Variants in APOH observed in about 807,000 individuals in gnomAD.
The protein encoded by APOH is beta-2-glycoprotein 1.
In APOH, 48 loss-of-function variants were observed where a neutral mutation model predicts 39.8. That is an observed-to-expected ratio of 1.21 (90% CI 0.96 to 1.54). The LOEUF is 1.54. Among genes scored for constraint, APOH ranks in the 40% most tolerant of loss-of-function variants. APOH has a pLI of 0.00. For missense variants in APOH, 415 were observed against 421.2 expected, an observed-to-expected ratio of 0.99 and a Z score of 0.13; for synonymous variants, 153 against 151.1, an observed-to-expected ratio of 1.01 and a Z score of -0.09.
chr17:66,215,461 T>C (rs2073359378), intron 6 of APOH, among the ~76,000 whole-genome samples: 1 of 152,178 alleles, frequency 6.6e-6, no homozygotes, highest in Admixed American at 6.5e-5. Flanking sequence ...ACCGGTGCCT[T>C]ACCCTCGCAA....
chr17:66,213,739 A>T (rs923198656), intron 7 of APOH, among the ~76,000 whole-genome samples: 1 of 152,072 alleles, frequency 6.6e-6, no homozygotes, highest in Non-Finnish European at 1.5e-5. Flanking sequence ...AGGGTTCAAA[A>T]CCAGCCTTGG....
At chr17:66,216,724 C>T in intron 6 of APOH, 64 bp downstream of exon 6, 5 of 1,438,658 alleles carry the variant, frequency 3.5e-6, no homozygotes, top group Non-Finnish European at 4.6e-6. Flanking sequence ...AAGAAAATAG[C>T]AAGTAAAGGT....
chr17:66,225,946 T>C, intron 3 of APOH, 82 bp downstream of exon 3: 1 of 924,414 alleles, frequency 1.1e-6, no homozygotes, highest in East Asian at 2.6e-5. Context: ...GAAAACAAAA[T>C]ATAGACCAGT....
intron 3 of APOH, 152 bp downstream of exon 3, chr17:66,225,876 C>CAAAA: frequency 5.8e-5 from 25 of 428,150 alleles, no homozygotes; most frequent in Middle Eastern, 5.2e-4. Context: ...GACTCCGTCT[C>CAAAA]AAAAAAAAAA....
intron 5 of APOH, among the ~76,000 whole-genome samples, chr17:66,220,117 C>T (rs1274783069): frequency 6.6e-6 from 1 of 152,184 alleles, no homozygotes; most frequent in African/African-American, 2.4e-5. Flanking sequence ...GCAACCCAGT[C>T]TTAACCTTCA....
At chr17:66,218,273 T>C (rs1477130684) in intron 5 of APOH, among the ~76,000 whole-genome samples, 1 of 152,112 alleles carries the variant, frequency 6.6e-6, no homozygotes, top group Non-Finnish European at 1.5e-5. Flanking sequence ...TGGCCAGTGA[T>C]GGAACAGCTG....
chr17:66,227,111 T>C (rs1335645217), intron 2 of APOH, among the ~76,000 whole-genome samples: 2 of 152,120 alleles, frequency 1.3e-5, no homozygotes, highest in African/African-American at 4.8e-5. Flanking sequence ...CTTGAACTCC[T>C]GACCTCAGGC....
chr17:66,218,434 G>A (rs1028019944), intron 5 of APOH, among the ~76,000 whole-genome samples: 2 of 151,872 alleles, frequency 1.3e-5, no homozygotes, highest in Non-Finnish European at 2.9e-5. Flanking sequence ...TCAACCTCCT[G>A]AGCAGCTGAG....
At chr17:66,226,257 T>C (rs2073438914) in intron 2 of APOH, 133 bp from the exon 3 acceptor site, 2 of 641,152 alleles carry the variant, frequency 3.1e-6, no homozygotes, top group Non-Finnish European at 2.6e-6. Flanking sequence ...TCAATAACTT[T>C]ACTGGTAACT....
intron 6 of APOH, 24 bp downstream of exon 6, chr17:66,216,764 A>T: frequency 6.5e-7 from 1 of 1,540,842 alleles, no homozygotes; most frequent in Non-Finnish European, 8.7e-7. Flanking sequence ...GAGATCTTAC[A>T]GGACCTCGCC....
At chr17:66,219,895 G>A (rs759550217) in intron 5 of APOH, among the ~76,000 whole-genome samples, 2 of 152,080 alleles carry the variant, frequency 1.3e-5, no homozygotes, top group Non-Finnish European at 2.9e-5. Flanking sequence ...GAGTGACAGA[G>A]TGAGACTATC....
chr17:66,212,536 C>A (rs4447463), intron 7 of APOH, among the ~76,000 whole-genome samples: 27,628 of 152,052 alleles, frequency 0.18, 3,690 homozygotes, highest in African/African-American at 0.35. Flanking sequence ...AGGCACGTGC[C>A]ACCATGCCTG....
At chr17:66,218,999 G>T (rs1451179697) in intron 5 of APOH, among the ~76,000 whole-genome samples, 1 of 151,952 alleles carries the variant, frequency 6.6e-6, no homozygotes, top group Non-Finnish European at 1.5e-5. Flanking sequence ...GACAGAGTGA[G>T]ACACCATTTC....
intron 5 of APOH, among the ~76,000 whole-genome samples, chr17:66,219,576 G>A (rs906939931): frequency 4.6e-5 from 7 of 152,082 alleles, no homozygotes; most frequent in African/African-American, 1.4e-4. Context: ...GTTTTGAATC[G>A]TTCACTGGAT....
intron 2 of APOH, among the ~76,000 whole-genome samples, chr17:66,226,502 G>T (rs1430300809): frequency 6.6e-6 from 1 of 152,146 alleles, no homozygotes. Context: ...GGGCATGATG[G>T]TGGGTGCCTG....
At chr17:66,216,649 G>A in intron 6 of APOH, 139 bp downstream of exon 6, 1 of 753,484 alleles carries the variant, frequency 1.3e-6, no homozygotes, top group South Asian at 2.1e-5. Context: ...GCACCTGTGA[G>A]TCCTGAAGTC....
At position 66,226,054 on chromosome 17, in the gene APOH, G is replaced by T; in HGVS notation, c.312C>A (p.Asn104Lys). 6.2e-7 allele frequency: 1 copy of T among 1,613,578 alleles called. No individual in the cohort carries two copies. Among genetic ancestry groups the T allele is most frequent in the Non-Finnish European group, 8.5e-7 (1 of 1,179,692 alleles). ...CAGTGTTACAAGAAAAACTGATCGT[G>T]TTGGGATATTCAAAAGTCGTATAGC... The part of the protein sequence containing the change: ...AVRYTTFEYP[N>K]TISFSCNTGF... Residue 104 changes from asparagine to lysine, a missense_variant, in exon 3 of 8, where the codon AAC becomes AAA. Physicochemically the swap from Asn to Lys is moderately conservative, Grantham distance 94 (BLOSUM62 0). This residue lies in a region of APOH where 288 missense variants were observed against 284.9 expected (regional missense o/e 1.01). Transcript: ENST00000205948.
chr17:66,218,612 A>G (rs1411390878), intron 5 of APOH, among the ~76,000 whole-genome samples: 1 of 152,214 alleles, frequency 6.6e-6, no homozygotes, highest in Non-Finnish European at 1.5e-5. Flanking sequence ...CATGAATCTA[A>G]TCATGAGTAA....
chr17:66,224,404 G>A (rs1223370708), intron 3 of APOH, among the ~76,000 whole-genome samples: 1 of 144,384 alleles, frequency 6.9e-6, no homozygotes. Flanking sequence ...AACCTGGGAG[G>A]TCGAGGCTGC....
Sources: gnomAD v4.1 joint callset for allele counts (sites outside exome capture counted in the v4.1 genomes callset) on GRCh38, gnomAD v4.1.1 for gene constraint, gnomAD v4.1.1 regional missense constraint, MANE v1.5 for transcripts, NCBI Gene and HGNC (gene_info 2026-07-23, HGNC 2026-07-21) for gene names.